The following TRIP12 variants were observed in gnomAD, a reference collection of about 807,000 sequenced individuals.
TRIP12 encodes E3 ubiquitin-protein ligase TRIP12.
Under a neutral mutation model 244.2 loss-of-function variants are expected in TRIP12, and 25 were observed. The ratio of observed to expected loss-of-function variants is 0.10; its 90% CI spans 0.07 to 0.14. TRIP12 has a LOEUF of 0.14. Ranked by LOEUF, TRIP12 falls within the 10% of genes least tolerant of loss-of-function variation. The pLI, the probability that TRIP12 is intolerant of heterozygous loss-of-function variation, is 1.00. For synonymous variants in TRIP12, 905 were observed against 873.1 expected (o/e 1.04, Z -0.64); for missense variants, 1,677 against 2,486.4 (o/e 0.67, Z 6.92).
chr2:229,769,518 T>G (rs1193052110), intron 39 of TRIP12, among the ~76,000 whole-genome samples, 193 bp from the exon 40 acceptor site: 1 of 151,940 alleles, frequency 6.6e-6, no homozygotes, highest in African/African-American at 2.4e-5. Flanking sequence ...CCTTTTTAGC[T>G]GTACGCTATT....
At chr2:229,874,774 TTTC>T (rs2063299459) in intron 2 of TRIP12, among the ~76,000 whole-genome samples, 1 of 152,184 alleles carries the variant, frequency 6.6e-6, no homozygotes, top group Non-Finnish European at 1.5e-5. Context: ...TTAAAATTGT[TTTC>T]TTTAATTTTC....
intron 4 of TRIP12, among the ~76,000 whole-genome samples, chr2:229,846,016 A>C (rs1249008681): frequency 2.1e-5 from 1 of 48,074 alleles, no homozygotes; most frequent in East Asian, 1.6e-3. Context: ...CTTTTTTTCA[A>C]AAAAAAAAAA....
chr2:229,892,669 C>T (rs1237843769), intron 1 of TRIP12, among the ~76,000 whole-genome samples: 1 of 152,076 alleles, frequency 6.6e-6, no homozygotes, highest in African/African-American at 2.4e-5. Flanking sequence ...AGTTTGAGAC[C>T]AGCCTGGGCA....
At chr2:229,813,639 C>G (rs2047798591) in intron 13 of TRIP12, among the ~76,000 whole-genome samples, 1 of 151,968 alleles carries the variant, frequency 6.6e-6, no homozygotes, top group Non-Finnish European at 1.5e-5. Context: ...CAAAAATGAG[C>G]TGGGTGTGGT....
intron 41 of TRIP12, among the ~76,000 whole-genome samples, 192 bp from the exon 42 acceptor site, chr2:229,767,942 T>C (rs2032396289): frequency 6.6e-6 from 1 of 152,206 alleles, no homozygotes; most frequent in South Asian, 2.1e-4. Flanking sequence ...CTGTATAACA[T>C]GGAGGCAACA....
intron 29 of TRIP12, among the ~76,000 whole-genome samples, chr2:229,791,493 T>C (rs1431423702): frequency 2.6e-5 from 4 of 152,196 alleles, no homozygotes. Flanking sequence ...CAAGCATATG[T>C]AGCAGACACT....
At chr2:229,878,760 T>C (rs2064175219) in intron 2 of TRIP12, among the ~76,000 whole-genome samples, 1 of 151,600 alleles carries the variant, frequency 6.6e-6, no homozygotes, top group Non-Finnish European at 1.5e-5. Context: ...TTTTTTGTAT[T>C]TTTGGTAGAG....
intron 2 of TRIP12, among the ~76,000 whole-genome samples, chr2:229,864,035 AGAGAGAGAGAGAGTGT>A (rs751830695): frequency 0.08 from 10,630 of 132,166 alleles, 455 homozygotes; most frequent in South Asian, 0.12. Context: ...AGAGAGAGAG[AGAGAGAGAGAGAGTGT>A]GTGTGTGTGT....
In TRIP12 at chr2:229,787,679, G is replaced by GTAAGTTTAA; in HGVS notation, c.4839-19_4839-18insTTAAACTTA. On this transcript the variant is annotated intron_variant, in intron 32 of 41. Coordinates refer to ENST00000675903, the MANE Select transcript of TRIP12 (RefSeq NM_001348323.3). The stretch of plus-strand genomic sequence containing the variant: ...AAAATGGGCTGTAAAAAGATGCAAT[G>GTAAGTTTAA]TAAGTTTATTATCTGGATGAGAATC... 6.4e-7 allele frequency: 1 copy of GTAAGTTTAA among 1,574,382 alleles called. No homozygotes were observed. Among genetic ancestry groups the GTAAGTTTAA allele is most frequent in the African/African-American group, 1.4e-5 (1 of 73,306 alleles).
Position 229,880,053 on chromosome 2 carries a change from T to A in TRIP12, c.27A>T (p.Pro9=). 6.2e-7 allele frequency: 1 copy of A among 1,614,136 alleles called. No individual in the cohort carries two copies. Among genetic ancestry groups the A allele is most frequent in the Non-Finnish European group, 8.5e-7 (1 of 1,180,020 alleles). MSNRPNNN[P]GGSLRRSQRN... ...TCTGTGAACGTCGCAGTGACCCCCC[T>A]GGATTGTTATTAGGCCGGTTGGACA... The change falls in exon 2 of 42, where the codon CCA becomes CCT. Residue 9 remains proline (P), a synonymous_variant. Transcript: ENST00000675903.
intron 1 of TRIP12, among the ~76,000 whole-genome samples, chr2:229,894,626 G>C (rs1422061245): frequency 6.6e-6 from 1 of 152,156 alleles, no homozygotes; most frequent in South Asian, 2.1e-4. Context: ...GAAGGAAGGG[G>C]AAAAGAAAAT....
intron 1 of TRIP12, among the ~76,000 whole-genome samples, chr2:229,909,838 A>C (rs1008555961): frequency 2.6e-5 from 4 of 152,230 alleles, no homozygotes; most frequent in African/African-American, 9.6e-5. Context: ...TGGGAGACAG[A>C]GTGAGACACC....
In TRIP12 at chr2:229,873,436, T is replaced by C. The variant is rs1019027434; in HGVS notation, c.98+6546A>G. Among the ~76,000 whole-genome samples, 3 of 152,198 alleles carry C rather than the reference T, an allele frequency of 2.0e-5. No homozygotes were observed. In the South Asian group the frequency reaches 6.2e-4, roughly 31 times the overall value. On this transcript the variant is annotated intron_variant, in intron 2 of 41. Transcript: ENST00000675903. ...AAAAGTAGCCATGGAAAATACTGTA[T>C]ACTCATTCAGTGAATAATGTGGCCA...
intron 4 of TRIP12, 26 bp downstream of exon 4, chr2:229,858,746 A>G (rs2060031670): frequency 1.3e-6 from 2 of 1,537,244 alleles, no homozygotes; most frequent in South Asian, 1.3e-5. Flanking sequence ...CTTTAATTAA[A>G]GAAAAATACC....
intron 1 of TRIP12, among the ~76,000 whole-genome samples, chr2:229,881,919 TTTG>T (rs1188213859): frequency 2.0e-5 from 3 of 152,326 alleles, no homozygotes; most frequent in Non-Finnish European, 2.9e-5. Flanking sequence ...AGAAATCATT[TTTG>T]TTGTCATTGA....
intron 40 of TRIP12, among the ~76,000 whole-genome samples, chr2:229,768,968 A>T (rs945119487): frequency 1.3e-5 from 2 of 152,252 alleles, no homozygotes; most frequent in African/African-American, 4.8e-5. Context: ...ATATGTAATA[A>T]TGGGGAACAA....
chr2:229,884,360 C>A (rs2065549671), intron 1 of TRIP12, among the ~76,000 whole-genome samples: 1 of 151,176 alleles, frequency 6.6e-6, no homozygotes, highest in African/African-American at 2.4e-5. Context: ...CCTTGGCCTC[C>A]AGAGTAGCTG....
intron 2 of TRIP12, among the ~76,000 whole-genome samples, chr2:229,879,770 G>A (rs771792485): frequency 7.2e-5 from 11 of 152,206 alleles, no homozygotes; most frequent in Non-Finnish European, 1.3e-4. Flanking sequence ...GATCATGTCA[G>A]TGGCTATGAA....
chr2:229,779,046 T>G, intron 34 of TRIP12, 56 bp from the exon 35 acceptor site: 3 of 1,428,684 alleles, frequency 2.1e-6, no homozygotes, highest in Non-Finnish European at 3.0e-6. Context: ...GTTTTTTTAC[T>G]GCCAACCTCT....
Sources: allele counts gnomAD v4.1 joint callset (sites outside exome capture counted in the v4.1 genomes callset), GRCh38; gene constraint gnomAD v4.1.1; transcripts MANE v1.5; gene names NCBI Gene and HGNC (gene_info 2026-07-23, HGNC 2026-07-21).